EXOC4: variants seen among roughly 807,000 people sequenced by gnomAD.
The protein encoded by EXOC4 is SEC8-like 1.
A neutral mutation model predicts 107.2 loss-of-function variants in EXOC4; 71 were observed. The observed-to-expected ratio is 0.66, with a 90% CI of 0.55 to 0.81. The LOEUF (loss-of-function observed/expected upper bound fraction) is 0.81. Among genes scored for constraint, EXOC4 ranks in the 30% least tolerant of loss-of-function variants. EXOC4 has a pLI of 0.00. For missense variants in EXOC4, 1,108 were observed against 1,189.6 expected (o/e 0.93, Z 1.01); for synonymous variants, 456 against 441.2 (o/e 1.03, Z -0.42).
intron 3 of EXOC4, among the ~76,000 whole-genome samples, chr7:133,305,121 G>T (rs950040602): frequency 9.3e-5 from 14 of 150,480 alleles, no homozygotes; most frequent in South Asian, 2.1e-4. Flanking sequence ...AAGTGAGTTG[G>T]TTGCTCCAGG....
intron 9 of EXOC4, among the ~76,000 whole-genome samples, chr7:133,624,446 G>A (rs1330247225): frequency 6.6e-6 from 1 of 152,110 alleles, no homozygotes; most frequent in Non-Finnish European, 1.5e-5. Flanking sequence ...AACCAGGTAT[G>A]GTGGTGTGCA....
At position 133,668,114 on chromosome 7, in the gene EXOC4, A is replaced by G. The variant is rs565557798; in HGVS notation, c.1514+37973A>G. 1.3e-3 allele frequency among the ~76,000 whole-genome samples: 205 copies of G among 152,358 alleles called. 1 individual carries two copies. The highest frequency in any genetic ancestry group is 4.5e-3 in the African/African-American group (189 of 41,580). On this transcript the variant is annotated intron_variant, in intron 10 of 17. Transcript: ENST00000253861. ...ACTCAGTGTTAAAATCTGATACACT[A>G]CAGAAGCACTGTATGGTTTATATTC...
chr7:133,531,055 A>G (rs1410796026), intron 9 of EXOC4, among the ~76,000 whole-genome samples: 4 of 152,164 alleles, frequency 2.6e-5, no homozygotes, highest in Non-Finnish European at 5.9e-5. Context: ...ATTAGTATAC[A>G]TATACATACA....
intron 7 of EXOC4, among the ~76,000 whole-genome samples, chr7:133,414,932 C>T (rs944038446): frequency 6.6e-6 from 1 of 152,070 alleles, no homozygotes; most frequent in Non-Finnish European, 1.5e-5. Context: ...TACCCCCAAC[C>T]GCTGCCAGCC....
intron 7 of EXOC4, among the ~76,000 whole-genome samples, chr7:133,381,357 G>GTAAT (rs1227353880): frequency 2.0e-5 from 3 of 152,088 alleles, no homozygotes. Flanking sequence ...AGTAGTAGAT[G>GTAAT]TAATATGTAA....
intron 17 of EXOC4, among the ~76,000 whole-genome samples, chr7:134,045,711 A>G (rs565018431): frequency 6.6e-6 from 1 of 152,250 alleles, no homozygotes; most frequent in South Asian, 2.1e-4. Flanking sequence ...CATCATCACC[A>G]GCTAGTTTTG....
chr7:133,823,873 TA>T (rs1797613329), intron 11 of EXOC4, among the ~76,000 whole-genome samples: 10 of 6,074 alleles, frequency 1.6e-3, no homozygotes, highest in East Asian at 7.6e-3. Context: ...ATATATATAT[TA>T]TATATATATA....
At chr7:133,475,973 T>G (rs1480759990) in intron 8 of EXOC4, among the ~76,000 whole-genome samples, 1 of 152,136 alleles carries the variant, frequency 6.6e-6, no homozygotes, top group African/African-American at 2.4e-5. Context: ...GTGCCCAAAG[T>G]GTATATCTCT....
chr7:133,474,427 C>T (rs1344248249), intron 7 of EXOC4, among the ~76,000 whole-genome samples: 1 of 151,904 alleles, frequency 6.6e-6, no homozygotes, highest in Non-Finnish European at 1.5e-5. Context: ...TGTGCCTCAG[C>T]CTCTCAAGTA....
chr7:133,790,856 C>T (rs1353880087), intron 10 of EXOC4, among the ~76,000 whole-genome samples: 1 of 152,198 alleles, frequency 6.6e-6, no homozygotes, highest in East Asian at 1.9e-4. Flanking sequence ...CAATAGCTTT[C>T]ACAAGCATTA....
the EXOC4 span, among the ~76,000 whole-genome samples, chr7:134,074,716 G>A: frequency 2.0e-5 from 3 of 152,204 alleles, no homozygotes; most frequent in African/African-American, 4.8e-5. Flanking sequence ...CTGCCAAGTG[G>A]AGGGATAGAG....
chr7:133,640,953 A>C (rs780773636), intron 10 of EXOC4, among the ~76,000 whole-genome samples: 2 of 151,860 alleles, frequency 1.3e-5, no homozygotes, highest in Non-Finnish European at 2.9e-5. Context: ...GTAATAGCAC[A>C]CTGCAGAATG....
intron 9 of EXOC4, among the ~76,000 whole-genome samples, chr7:133,561,011 T>C: frequency 6.6e-6 from 1 of 152,106 alleles, no homozygotes; most frequent in Non-Finnish European, 1.5e-5. Flanking sequence ...TACAGTTCTT[T>C]TGGCCTTGCT....
intron 9 of EXOC4, among the ~76,000 whole-genome samples, chr7:133,604,790 C>A (rs1004374610): frequency 8.4e-6 from 1 of 119,320 alleles, no homozygotes; most frequent in African/African-American, 3.1e-5. Flanking sequence ...GTGGTGCAAT[C>A]TTGGCTCACT....
At chr7:133,872,949 C>T (rs575407747) in intron 11 of EXOC4, among the ~76,000 whole-genome samples, 7 of 152,290 alleles carry the variant, frequency 4.6e-5, no homozygotes, top group African/African-American at 1.4e-4. Context: ...CTCTGTTCTC[C>T]TCCGCAGTCT....
At chr7:134,028,791 C>A (rs1795203661) in intron 17 of EXOC4, among the ~76,000 whole-genome samples, 1 of 152,234 alleles carries the variant, frequency 6.6e-6, no homozygotes. Flanking sequence ...AATCTCTATA[C>A]CTCTGACCAA....
chr7:133,417,365 A>G (rs926756023), intron 7 of EXOC4, among the ~76,000 whole-genome samples: 3 of 152,182 alleles, frequency 2.0e-5, no homozygotes, highest in Non-Finnish European at 4.4e-5. Flanking sequence ...AAGGATTCAG[A>G]GAGAGGCTAG....
chr7:133,848,823 G>A (rs1420534336), intron 11 of EXOC4, among the ~76,000 whole-genome samples: 2 of 152,132 alleles, frequency 1.3e-5, no homozygotes, highest in East Asian at 1.9e-4. Context: ...AATGAGATTC[G>A]AAATTTGGGA....
At chr7:133,915,463 CCCTT>C (rs1205903308) in intron 12 of EXOC4, among the ~76,000 whole-genome samples, 5 of 152,092 alleles carry the variant, frequency 3.3e-5, no homozygotes, top group Admixed American at 1.3e-4. Context: ...GTAATTAGAT[CCCTT>C]CCTTCTCTGT....
Sources: gnomAD v4.1 joint callset for allele counts (sites outside exome capture counted in the v4.1 genomes callset) on GRCh38, gnomAD v4.1.1 for gene constraint, MANE v1.5 for transcripts, NCBI Gene and HGNC (gene_info 2026-07-23, HGNC 2026-07-21) for gene names.